Variants in DOP1A observed in about 807,000 individuals in gnomAD.
The protein encoded by DOP1A is DOP1 leucine zipper like protein A.
A neutral mutation model predicts 267.6 loss-of-function variants in DOP1A; 90 were observed. The observed-to-expected ratio is 0.34, with a 90% CI of 0.28 to 0.40. The LOEUF (loss-of-function observed/expected upper bound fraction) is 0.40, where lower values mean the gene tolerates loss of function less well. Among genes scored for constraint, DOP1A ranks in the 10% least tolerant of loss-of-function variants. The probability of loss-of-function intolerance (pLI) is 1.00; values close to 1 mark genes in which losing one functional copy is unlikely to be tolerated. For missense variants in DOP1A, 2,437 were observed against 2,900.4 expected (o/e 0.84, Z 3.67); for synonymous variants, 932 against 999.1 (o/e 0.93, Z 1.27).
At chr6:83,153,682 T>C (rs1782171477) in intron 31 of DOP1A, 62 bp downstream of exon 31, 1 of 1,348,394 alleles carries the variant, frequency 7.4e-7, no homozygotes, top group Non-Finnish European at 1.0e-6. Flanking sequence ...ACAAGTTCTG[T>C]TCCCTTATTG....
chr6:83,149,349 T>C (rs918920722), intron 27 of DOP1A, among the ~76,000 whole-genome samples: 3 of 152,198 alleles, frequency 2.0e-5, no homozygotes, highest in Non-Finnish European at 2.9e-5. Context: ...TCATAGTCAG[T>C]CTCTCTTTCT....
chr6:83,128,217 G>A (rs1777494119), intron 15 of DOP1A, among the ~76,000 whole-genome samples: 1 of 152,128 alleles, frequency 6.6e-6, no homozygotes, highest in South Asian at 2.1e-4. Context: ...CTTAAACTAA[G>A]CCAGAAAATA....
At chr6:83,067,990 G>A (rs540385595) in intron 1 of DOP1A, among the ~76,000 whole-genome samples, 3 of 152,218 alleles carry the variant, frequency 2.0e-5, no homozygotes, top group African/African-American at 7.2e-5. Flanking sequence ...GCGGGGACTG[G>A]AGGGCCAGGG....
At chr6:83,121,761 ATATCT>A (rs1232547564) in intron 10 of DOP1A, among the ~76,000 whole-genome samples, 164 bp from the exon 11 acceptor site, 2 of 151,784 alleles carry the variant, frequency 1.3e-5, no homozygotes, top group East Asian at 1.9e-4. Context: ...CAGTTATGTA[ATATCT>A]TATATTACCT....
chr6:83,140,324 T>C lies in DOP1A; in HGVS notation c.5336T>C (p.Leu1779Pro). The change falls in exon 23 of 39, where the codon CTG becomes CCG. Residue 1779 changes from leucine to proline, a missense_variant. Physicochemically the swap from Leu to Pro is moderately conservative, Grantham distance 98 (BLOSUM62 -3). This residue lies in a region of DOP1A where 307 missense variants were observed against 308.6 expected (regional missense o/e 0.99). Transcript: ENST00000349129. The stretch of plus-strand genomic sequence containing the variant: ...TCTGTGACACTGCTTTGGAGCATAC[T>C]GCATCAAGCTGATTCTTCAGAAAAG... Reference protein sequence around the residue: ...MSSVTLLWSILHQADSSEKMT... With the variant: ...MSSVTLLWSIPHQADSSEKMT... 1 of 1,613,526 alleles carries C rather than the reference T, an allele frequency of 6.2e-7. No individual in the cohort carries two copies. The highest frequency in any genetic ancestry group is 8.5e-7 in the Non-Finnish European group (1 of 1,179,852).
At chr6:83,163,264 C>A (rs866506764) in intron 38 of DOP1A, among the ~76,000 whole-genome samples, 7 of 152,198 alleles carry the variant, frequency 4.6e-5, no homozygotes, top group African/African-American at 1.4e-4. Flanking sequence ...GTCCTGAACA[C>A]TCTTCGTGTC....
At chr6:83,166,546 A>G (rs1395746881) in intron 38 of DOP1A, 4 of 641,868 alleles carry the variant, frequency 6.2e-6, no homozygotes, top group Non-Finnish European at 8.3e-6. Context: ...ATAAACAGCA[A>G]TAAGTCATTA....
At chr6:83,132,413 G>T in intron 18 of DOP1A, 85 bp downstream of exon 18, 1 of 1,388,102 alleles carries the variant, frequency 7.2e-7, no homozygotes, top group Admixed American at 2.1e-5. Flanking sequence ...AAACTTTAGG[G>T]AAATTATTGC....
At chr6:83,170,330 C>T (rs772233718), downstream of DOP1A, 15 of 1,614,154 alleles carry the variant, frequency 9.3e-6, no homozygotes, top group Non-Finnish European at 1.3e-5. Flanking sequence ...TGCATATACT[C>T]GGACGACATC....
intron 19 of DOP1A, 146 bp from the exon 20 acceptor site, chr6:83,135,473 A>T: frequency 1.1e-6 from 1 of 934,614 alleles, no homozygotes; most frequent in Non-Finnish European, 1.5e-6. Context: ...TAAGATTATT[A>T]AAATACTATG....
intron 23 of DOP1A, among the ~76,000 whole-genome samples, chr6:83,140,649 A>T (rs1411622874): frequency 6.6e-6 from 1 of 152,116 alleles, no homozygotes; most frequent in African/African-American, 2.4e-5. Flanking sequence ...CCAATTTTTG[A>T]ATATGTTCTT....
intron 18 of DOP1A, 70 bp from the exon 19 acceptor site, chr6:83,134,117 C>T: frequency 1.5e-6 from 2 of 1,326,172 alleles, no homozygotes; most frequent in Non-Finnish European, 2.1e-6. Flanking sequence ...AAATAGTACT[C>T]TGATTTTACT....
At chr6:83,169,948 A>T, downstream of DOP1A, 1 of 383,226 alleles carries the variant, frequency 2.6e-6, no homozygotes. Context: ...TGAACTACAA[A>T]GCTGGTTGTT....
At chr6:83,125,465 T>G (rs200796937) in intron 14 of DOP1A, 35 bp from the exon 15 acceptor site, 2 of 1,594,884 alleles carry the variant, frequency 1.3e-6, no homozygotes, top group Non-Finnish European at 1.7e-6. Flanking sequence ...GGTTCCACAT[T>G]GTTTAAACTT....
intron 21 of DOP1A, among the ~76,000 whole-genome samples, 179 bp from the exon 22 acceptor site, chr6:83,139,812 TTTAGTCCAA>T (rs1779343930): frequency 6.6e-6 from 1 of 152,148 alleles, no homozygotes; most frequent in Non-Finnish European, 1.5e-5. Context: ...CTCTAGTACA[TTTAGTCCAA>T]CTCACTTATT....
intron 37 of DOP1A, among the ~76,000 whole-genome samples, chr6:83,160,224 G>A (rs1248471235): frequency 4.6e-5 from 7 of 152,192 alleles, no homozygotes; most frequent in African/African-American, 1.7e-4. Context: ...TCCAGGGAAG[G>A]AGACATACTC....
chr6:83,141,379 G>A (rs893123011), intron 23 of DOP1A, among the ~76,000 whole-genome samples: 2 of 152,002 alleles, frequency 1.3e-5, no homozygotes, highest in African/African-American at 4.8e-5. Flanking sequence ...TCCAAATGCT[G>A]TGCCATGTCA....
Position 83,124,794 on chromosome 6 carries a change from A to AT in DOP1A, c.1436dup (p.Leu479PhefsTer10). On this transcript the variant is annotated frameshift_variant, in exon 13 of 39. Transcript: ENST00000349129. LOFTEE classifies it high-confidence loss of function. ...CTGACCAATTTCTGCTTACTGGTGGATTTTTTGTTGGACATAGTTTCTTTG... is the reference window on the plus strand; with the variant it reads ...CTGACCAATTTCTGCTTACTGGTGGATTTTTTTGTTGGACATAGTTTCTTTG... 1 of 1,613,108 alleles carries AT rather than the reference A, an allele frequency of 6.2e-7. No homozygotes were observed. The highest frequency in any genetic ancestry group is 8.5e-7 in the Non-Finnish European group (1 of 1,179,516).
In DOP1A at chr6:83,138,227, C is replaced by G; in HGVS notation, c.4185C>G (p.Asn1395Lys). 4 of 1,613,520 alleles carry G rather than the reference C, an allele frequency of 2.5e-6. No homozygotes were observed. The highest frequency in any genetic ancestry group is 3.4e-6 in the Non-Finnish European group (4 of 1,179,894). Residue 1395 changes from asparagine to lysine, a missense_variant, in exon 21 of 39, where the codon AAC (asparagine) becomes AAG (lysine). Asn to Lys is a moderately conservative substitution (Grantham distance 94, BLOSUM62 0). Coordinates refer to ENST00000349129, the MANE Select transcript of DOP1A (RefSeq NM_015018.4). Reference sequence around the variant, plus strand: ...CCATCAAAGCCATCTTGAAAACTAACCCTATAGCTTTTGTAAATGCCATTT... The same window carrying G: ...CCATCAAAGCCATCTTGAAAACTAAGCCTATAGCTTTTGTAAATGCCATTT... ...FSAIKAILKT[N>K]PIAFVNAIST...
Sources: allele counts gnomAD v4.1 joint callset (sites outside exome capture counted in the v4.1 genomes callset), GRCh38; gene constraint gnomAD v4.1.1; regional missense constraint gnomAD v4.1.1; transcripts MANE v1.5; gene names NCBI Gene and HGNC (gene_info 2026-07-23, HGNC 2026-07-21).